MZT2B: variants seen among roughly 807,000 people sequenced by gnomAD.
MZT2B encodes the protein mitotic spindle organizing protein 2B.
A neutral mutation model predicts 12.1 loss-of-function variants in MZT2B; 11 were observed. The ratio of observed to expected loss-of-function variants is 0.91; its 90% CI spans 0.57 to 1.50. MZT2B has a LOEUF of 1.50. Among genes scored for constraint, MZT2B ranks in the 40% most tolerant of loss-of-function variants. MZT2B has a pLI of 0.00. For missense variants in MZT2B, 209 were observed against 227.7 expected (o/e 0.92, Z 0.53); for synonymous variants, 85 against 109.5 (o/e 0.78, Z 1.40).
At chr2:130,194,736 G>A (rs2314000), downstream of MZT2B, among the ~76,000 whole-genome samples, 3 of 152,244 alleles carry the variant, frequency 2.0e-5, 1 homozygote, top group South Asian at 4.1e-4. Context: ...AGAGTGCAGT[G>A]GTGCAATCTC....
chr2:130,200,633 G>C, the MZT2B span, among the ~76,000 whole-genome samples: 2 of 152,100 alleles, frequency 1.3e-5, no homozygotes, highest in Non-Finnish European at 2.9e-5. Flanking sequence ...TTATTTCTTT[G>C]GTGAGAGGGA....
downstream of MZT2B, chr2:130,194,171 T>C (rs750862841): frequency 2.5e-6 from 4 of 1,613,642 alleles, no homozygotes; most frequent in East Asian, 2.2e-5. Context: ...GAGGTTGGTG[T>C]ACGTGGGACG....
downstream of MZT2B, chr2:130,192,030 G>A (rs781384429): frequency 7.0e-5 from 113 of 1,614,036 alleles, 1 homozygote; most frequent in South Asian, 1.1e-3. Flanking sequence ...CCAGGCCTCC[G>A]CAATGGCCGT....
the MZT2B span, among the ~76,000 whole-genome samples, chr2:130,201,016 A>T: frequency 6.6e-6 from 1 of 152,202 alleles, no homozygotes; most frequent in Admixed American, 6.5e-5. Context: ...ATCTCCCTGG[A>T]GGGTGGCCAA....
intron 2 of MZT2B, among the ~76,000 whole-genome samples, chr2:130,186,510 G>A (rs1286040867): frequency 2.0e-5 from 3 of 152,346 alleles, no homozygotes; most frequent in East Asian, 1.9e-4. Context: ...GTAAGATGAC[G>A]TTTGGAGTGT....
At chr2:130,195,236 G>T (rs571604989), downstream of MZT2B, 230 of 1,613,732 alleles carry the variant, frequency 1.4e-4, 2 homozygotes, top group East Asian at 5.0e-3. Context: ...ATCTGCAAAA[G>T]AGACAGTGTG....
the MZT2B span, chr2:130,198,440 G>A: frequency 1.5e-6 from 2 of 1,339,324 alleles, no homozygotes; most frequent in Non-Finnish European, 1.0e-6. Flanking sequence ...CAACTGCAAT[G>A]ACCTGCCCAC....
chr2:130,196,339 C>T, the MZT2B span: 26 of 1,613,878 alleles, frequency 1.6e-5, no homozygotes, highest in East Asian at 1.8e-4. Flanking sequence ...TCTGGACACC[C>T]GCCTGCCCCA....
chr2:130,181,801 C>T (rs1165202633), upstream of MZT2B: 1 of 1,546,356 alleles, frequency 6.5e-7, no homozygotes, highest in Non-Finnish European at 8.7e-7. Flanking sequence ...CCCCAAGGTA[C>T]TTTCTCCCCA....
At chr2:130,181,808 C>G, upstream of MZT2B, 1 of 1,546,036 alleles carries the variant, frequency 6.5e-7, no homozygotes. Context: ...GTACTTTCTC[C>G]CCAGCAAGGA....
At chr2:130,195,217 G>A (rs755469505), downstream of MZT2B, 8 of 1,613,898 alleles carry the variant, frequency 5.0e-6, no homozygotes, top group Non-Finnish European at 6.8e-6. Context: ...AGGTCCCTGT[G>A]CGCACTTCAT....
downstream of MZT2B, among the ~76,000 whole-genome samples, chr2:130,191,347 T>C (rs1302839938): frequency 6.8e-6 from 1 of 146,420 alleles, no homozygotes; most frequent in East Asian, 2.1e-4. Flanking sequence ...GGAACTCGGT[T>C]AATATTCTTT....
At chr2:130,196,615 A>AGGTTATTTTAAAACTTG in the MZT2B span, among the ~76,000 whole-genome samples, 1 of 152,206 alleles carries the variant, frequency 6.6e-6, no homozygotes, top group African/African-American at 2.4e-5. Context: ...CACAAAACTT[A>AGGTTATTTTAAAACTTG]GGTTATTTTA....
At chr2:130,185,204 G>A (rs534532946) in intron 2 of MZT2B, among the ~76,000 whole-genome samples, 5 of 152,086 alleles carry the variant, frequency 3.3e-5, no homozygotes, top group South Asian at 4.2e-4. Flanking sequence ...CCAGCTACTC[G>A]GGAGGCTGAG....
At chr2:130,181,930 T>C (rs1689690193), upstream of MZT2B, 1 of 1,464,866 alleles carries the variant, frequency 6.8e-7, no homozygotes, top group Non-Finnish European at 9.1e-7. Context: ...TTGCACGCTT[T>C]CTTGAAAGAG....
At chr2:130,196,795 G>C in the MZT2B span, among the ~76,000 whole-genome samples, 6 of 152,174 alleles carry the variant, frequency 3.9e-5, no homozygotes, top group Non-Finnish European at 7.3e-5. Context: ...TCCAAGCCCA[G>C]GTGCTCAGTG....
chr2:130,198,593 T>C, the MZT2B span: 1 of 481,394 alleles, frequency 2.1e-6, no homozygotes, highest in African/African-American at 2.2e-5. Flanking sequence ...GGATGCAGGA[T>C]TGGCGGGAAG....
At chr2:130,196,062 A>G in the MZT2B span, 1 of 1,299,848 alleles carries the variant, frequency 7.7e-7, no homozygotes. Context: ...TCCTTTCAGC[A>G]GGAGGATTCA....
chr2:130,185,167 T>C (rs1246707039), intron 2 of MZT2B, among the ~76,000 whole-genome samples: 3 of 151,884 alleles, frequency 2.0e-5, no homozygotes, highest in South Asian at 2.1e-4. Context: ...AAAAATTAGC[T>C]GGGCGTGGTG....
Sources: allele counts gnomAD v4.1 joint callset (sites outside exome capture counted in the v4.1 genomes callset), GRCh38; gene constraint gnomAD v4.1.1; transcripts MANE v1.5; gene names NCBI Gene and HGNC (gene_info 2026-07-23, HGNC 2026-07-21).